The following CDYL2 variants were observed in gnomAD, a reference collection of about 807,000 sequenced individuals.
CDYL2 encodes chromodomain Y like 2, also known as chromodomain Y-like protein 2.
In CDYL2, 23 loss-of-function variants were observed where a neutral mutation model predicts 49.4. The observed-to-expected ratio is 0.47, with a 90% CI of 0.34 to 0.66. CDYL2 has a LOEUF of 0.66. CDYL2 is among the 30% of genes least tolerant of loss of function. The pLI is 0.01. For missense variants in CDYL2, 678 were observed against 656.4 expected (o/e 1.03, Z -0.36); for synonymous variants, 360 against 268.8 (o/e 1.34, Z -3.32).
chr16:80,774,925 C>G (rs1252713878), intron 1 of CDYL2, among the ~76,000 whole-genome samples: 1 of 151,464 alleles, frequency 6.6e-6, no homozygotes, highest in Admixed American at 6.6e-5. Context: ...TGCCTTATCA[C>G]CAAGTAGGAC....
intron 1 of CDYL2, among the ~76,000 whole-genome samples, chr16:80,733,948 C>T (rs1905423348): frequency 1.3e-5 from 2 of 152,166 alleles, no homozygotes; most frequent in African/African-American, 2.4e-5. Flanking sequence ...AAGTCTACTC[C>T]TCATGGCAAG....
intron 1 of CDYL2, among the ~76,000 whole-genome samples, chr16:80,698,395 T>A (rs1904284789): frequency 6.6e-6 from 1 of 152,062 alleles, no homozygotes; most frequent in South Asian, 2.1e-4. Flanking sequence ...TACAAGGAAC[T>A]CAACACAAGA....
At chr16:80,713,544 G>A (rs1474991759) in intron 1 of CDYL2, among the ~76,000 whole-genome samples, 1 of 152,130 alleles carries the variant, frequency 6.6e-6, no homozygotes, top group African/African-American at 2.4e-5. Context: ...ATTCCTCGGT[G>A]GGGGATGACC....
At chr16:80,782,783 A>T (rs1907315316) in intron 1 of CDYL2, among the ~76,000 whole-genome samples, 1 of 152,116 alleles carries the variant, frequency 6.6e-6, no homozygotes, top group Non-Finnish European at 1.5e-5. Flanking sequence ...AAGGCATTTG[A>T]AAAATTCAAT....
intron 2 of CDYL2, among the ~76,000 whole-genome samples, chr16:80,637,046 C>A (rs149292671): frequency 1.4e-4 from 22 of 152,144 alleles, no homozygotes; most frequent in Non-Finnish European, 3.1e-4. Context: ...CACACCGGGG[C>A]TTGTCTGGGG....
chr16:80,707,689 C>T (rs1273748980), intron 1 of CDYL2, among the ~76,000 whole-genome samples: 1 of 152,118 alleles, frequency 6.6e-6, no homozygotes, highest in Non-Finnish European at 1.5e-5. Flanking sequence ...AAGTCATAAT[C>T]CTTTCCTAGT....
intron 1 of CDYL2, among the ~76,000 whole-genome samples, chr16:80,692,156 C>T (rs1053431874): frequency 1.3e-5 from 2 of 152,192 alleles, no homozygotes; most frequent in East Asian, 1.9e-4. Flanking sequence ...AAGAAATCTA[C>T]GTCCTAAGTC....
At chr16:80,777,877 A>G (rs1907140205) in intron 1 of CDYL2, among the ~76,000 whole-genome samples, 1 of 152,104 alleles carries the variant, frequency 6.6e-6, no homozygotes, top group Non-Finnish European at 1.5e-5. Context: ...ACTTGATTAA[A>G]TTAGCACATA....
At chr16:80,630,776 AC>A (rs1460831855) in intron 3 of CDYL2, among the ~76,000 whole-genome samples, 1 of 152,136 alleles carries the variant, frequency 6.6e-6, no homozygotes, top group Non-Finnish European at 1.5e-5. Context: ...GGCCGCACCC[AC>A]AACCCCGTAA....
intron 2 of CDYL2, among the ~76,000 whole-genome samples, chr16:80,672,172 T>C (rs906245506): frequency 4.6e-5 from 7 of 152,186 alleles, no homozygotes; most frequent in African/African-American, 1.4e-4. Context: ...CTTGGGGACA[T>C]TCAACCTGTA....
chr16:80,641,028 G>C (rs1370877347), intron 2 of CDYL2, among the ~76,000 whole-genome samples: 1 of 152,154 alleles, frequency 6.6e-6, no homozygotes, highest in Non-Finnish European at 1.5e-5. Flanking sequence ...GATGGGAGTG[G>C]AAAGTTTATT....
At chr16:80,698,937 A>T (rs1904287656) in intron 1 of CDYL2, among the ~76,000 whole-genome samples, 2 of 152,212 alleles carry the variant, frequency 1.3e-5, no homozygotes, top group South Asian at 4.1e-4. Context: ...TCACCAGGAA[A>T]ATGCAAATCA....
intron 1 of CDYL2, among the ~76,000 whole-genome samples, chr16:80,687,490 A>C (rs1597174677): frequency 6.6e-6 from 1 of 151,830 alleles, no homozygotes. Context: ...GGCTGGATAG[A>C]TGGATAGATG....
chr16:80,681,574 G>A (rs1909968832), intron 2 of CDYL2, among the ~76,000 whole-genome samples: 1 of 152,162 alleles, frequency 6.6e-6, no homozygotes, highest in African/African-American at 2.4e-5. Flanking sequence ...CTCAAGCAAG[G>A]ATTCTCAGTC....
At chr16:80,651,008 C>CA (rs1908560134) in intron 2 of CDYL2, among the ~76,000 whole-genome samples, 1 of 151,326 alleles carries the variant, frequency 6.6e-6, no homozygotes, top group South Asian at 2.1e-4. Flanking sequence ...TTAAGGAGTA[C>CA]AAAAAAATAG....
intron 1 of CDYL2, among the ~76,000 whole-genome samples, chr16:80,719,636 G>A (rs1309458563): frequency 6.6e-6 from 1 of 152,146 alleles, no homozygotes; most frequent in Non-Finnish European, 1.5e-5. Flanking sequence ...TCTGTACCTT[G>A]GGTTGCCCAG....
chr16:80,727,599 G>C (rs946097625), intron 1 of CDYL2, among the ~76,000 whole-genome samples: 7 of 152,242 alleles, frequency 4.6e-5, no homozygotes, highest in Non-Finnish European at 7.3e-5. Flanking sequence ...GCCCACCACA[G>C]CTCAAGGAGG....
chr16:80,740,843 TA>T lies in CDYL2; in HGVS notation c.25-55715del, dbSNP rs556287588. On this transcript the variant is annotated intron_variant, in intron 1 of 6. Transcript: ENST00000570137. ...TCCACAAAACTTAACTGTGATACAC[TA>T]AAAAAAAAAAAAGAGGTTTTACCAA... Among the ~76,000 whole-genome samples the T allele has an allele frequency of 4.8e-3, 653 of 136,836 alleles. 1 individual carries two copies. Among genetic ancestry groups the T allele is most frequent in the African/African-American group, 6.6e-3 (246 of 37,010 alleles). The allele number at this position is 136,836 out of a possible 152,430, so 89.8% of individuals were successfully genotyped here. A position where few individuals can be genotyped will look rare whatever the true frequency, so the allele number is the denominator to read the frequency against.
At chr16:80,772,127 C>A (rs1906925350) in intron 1 of CDYL2, among the ~76,000 whole-genome samples, 1 of 152,104 alleles carries the variant, frequency 6.6e-6, no homozygotes, top group Admixed American at 6.5e-5. Context: ...TCCGATAATT[C>A]TTTACTTCAT....
Sources: gnomAD v4.1 joint callset for allele counts (sites outside exome capture counted in the v4.1 genomes callset) on GRCh38, gnomAD v4.1.1 for gene constraint, MANE v1.5 for transcripts, NCBI Gene and HGNC (gene_info 2026-07-23, HGNC 2026-07-21) for gene names.